Variants in POC1B observed in about 807,000 individuals in gnomAD.
The protein encoded by POC1B is POC1 centriolar protein B.
In POC1B, 44 loss-of-function variants were observed where a neutral mutation model predicts 60.6. The observed-to-expected ratio is 0.73, with a 90% CI of 0.57 to 0.93. The LOEUF is 0.93. Among genes scored for constraint, POC1B ranks in the 40% least tolerant of loss-of-function variants. The probability of loss-of-function intolerance (pLI) is 0.00; values close to 1 mark genes in which losing one functional copy is unlikely to be tolerated. For synonymous variants in POC1B, 180 were observed against 198.9 expected (o/e 0.90, Z 0.80); for missense variants, 555 against 572.3 (o/e 0.97, Z 0.31).
chr12:89,522,736 A>T, intron 2 of POC1B: 1 of 1,497,286 alleles, frequency 6.7e-7, no homozygotes, highest in Non-Finnish European at 8.9e-7. Flanking sequence ...AATAAAATAC[A>T]ATCTTCACTG....
At chr12:89,436,935 C>T (rs1485387544) in intron 10 of POC1B, among the ~76,000 whole-genome samples, 1 of 152,170 alleles carries the variant, frequency 6.6e-6, no homozygotes, top group Non-Finnish European at 1.5e-5. Context: ...GGATGCTCCA[C>T]ACCCAACTCC....
At chr12:89,524,398 T>C (rs17853610) in intron 2 of POC1B, 1 of 1,613,892 alleles carries the variant, frequency 6.2e-7, no homozygotes, top group Non-Finnish European at 8.5e-7. Context: ...TTTCTGGAGG[T>C]CTGAGAGCCT....
At chr12:89,471,317 T>C (rs940919035) in intron 6 of POC1B, among the ~76,000 whole-genome samples, 4 of 152,218 alleles carry the variant, frequency 2.6e-5, no homozygotes. Flanking sequence ...CAGAATTCAG[T>C]CATTTCTATC....
intron 10 of POC1B, among the ~76,000 whole-genome samples, chr12:89,436,745 A>AAC (rs1881285972): frequency 6.6e-6 from 1 of 152,050 alleles, no homozygotes; most frequent in African/African-American, 2.4e-5. Context: ...AAACCCAAAA[A>AAC]ACAAAAAAAA....
chr12:89,516,522 A>AT lies in POC1B; in HGVS notation c.100+8597_100+8598insA, dbSNP rs752456593. Among the ~76,000 whole-genome samples, 1,512 of 152,324 alleles carry AT rather than the reference A, an allele frequency of 9.9e-3. 6 individuals are homozygous for AT. Among genetic ancestry groups the AT allele is most frequent in the Non-Finnish European group, 0.016 (1,057 of 68,018 alleles). On this transcript the variant is annotated intron_variant, in intron 2 of 11. Transcript: ENST00000313546. ...CCTACTAATAGTACAATCTCCATAT[A>AT]GTAGCCAGAGTGGTCTTTTTGAGGT...
chr12:89,463,274 T>C (rs1882544243), intron 9 of POC1B, among the ~76,000 whole-genome samples: 1 of 152,230 alleles, frequency 6.6e-6, no homozygotes, highest in South Asian at 2.1e-4. Flanking sequence ...TAACCAATTA[T>C]AATCCCTGCT....
chr12:89,446,576 G>T (rs11105292), intron 10 of POC1B, among the ~76,000 whole-genome samples: 4 of 151,896 alleles, frequency 2.6e-5, no homozygotes, highest in Non-Finnish European at 5.9e-5. Context: ...CACAGGGTGG[G>T]GAACATCACA....
chr12:89,502,503 G>T (rs1213286259), intron 2 of POC1B: 2 of 1,074,636 alleles, frequency 1.9e-6, no homozygotes, highest in Admixed American at 4.0e-5. Flanking sequence ...AATAAGAAAA[G>T]GATCTGTCTT....
chr12:89,497,355 A>G lies in POC1B; in HGVS notation c.101-13T>C. 1 of 1,607,264 alleles carries G rather than the reference A, an allele frequency of 6.2e-7. No individual in the cohort carries two copies. The highest frequency in any genetic ancestry group is 1.1e-5 in the South Asian group (1 of 90,804). ...CAAGAAGCAGTAGCTATCAAGAAAT[A>G]GAAGAACAAAACCACTGTTTGTTAA... On this transcript the variant is annotated splice_polypyrimidine_tract_variant and intron_variant, in intron 2 of 11. Transcript: ENST00000313546.
intron 6 of POC1B, among the ~76,000 whole-genome samples, chr12:89,471,248 AG>A (rs1175777170): frequency 3.3e-5 from 5 of 152,228 alleles, no homozygotes; most frequent in Non-Finnish European, 7.3e-5. Context: ...TAGGCATAGT[AG>A]GTAGTTGTTT....
intron 10 of POC1B, among the ~76,000 whole-genome samples, chr12:89,433,609 G>A (rs186218387): frequency 6.6e-6 from 1 of 152,342 alleles, no homozygotes; most frequent in African/African-American, 2.4e-5. Context: ...ACAGGGAGCA[G>A]GCAGTGTAAA....
chr12:89,478,316 G>A (rs555251755), intron 4 of POC1B, among the ~76,000 whole-genome samples: 2 of 152,138 alleles, frequency 1.3e-5, no homozygotes, highest in East Asian at 1.9e-4. Flanking sequence ...ATGGGGTTTC[G>A]CCATGTTGGC....
intron 2 of POC1B, chr12:89,522,509 A>G (rs1870970097): frequency 5.8e-6 from 2 of 345,488 alleles, no homozygotes; most frequent in Admixed American, 9.2e-5. Flanking sequence ...CTTTAATATT[A>G]AGTCTGGCAC....
intron 2 of POC1B, chr12:89,523,136 G>A (rs1336968861): frequency 1.9e-6 from 3 of 1,613,810 alleles, no homozygotes; most frequent in Non-Finnish European, 2.5e-6. Context: ...AACAGTGAAA[G>A]GTTAGCACCT....
At chr12:89,429,983 T>C (rs1880961219) in intron 10 of POC1B, among the ~76,000 whole-genome samples, 1 of 152,182 alleles carries the variant, frequency 6.6e-6, no homozygotes, top group Admixed American at 6.5e-5. Context: ...TCAGACATGG[T>C]ATCTTCCTTC....
At chr12:89,437,675 T>C (rs1305210642) in intron 10 of POC1B, among the ~76,000 whole-genome samples, 1 of 151,870 alleles carries the variant, frequency 6.6e-6, no homozygotes, top group African/African-American at 2.4e-5. Context: ...CCCATATCAT[T>C]ATTATTGAAC....
At chr12:89,475,466 G>GT (rs1461014209) in intron 4 of POC1B, among the ~76,000 whole-genome samples, 3 of 151,966 alleles carry the variant, frequency 2.0e-5, no homozygotes, top group Non-Finnish European at 2.9e-5. Flanking sequence ...CTCTGTATGT[G>GT]TTTTTTTGCA....
chr12:89,408,486 G>GTTTT, the POC1B span, among the ~76,000 whole-genome samples: 1 of 136,306 alleles, frequency 7.3e-6, no homozygotes. Context: ...CTGACTTCTG[G>GTTTT]TTTTTTTTTT....
chr12:89,503,201 C>T (rs1269420407), intron 2 of POC1B, among the ~76,000 whole-genome samples: 1 of 152,154 alleles, frequency 6.6e-6, no homozygotes, highest in African/African-American at 2.4e-5. Context: ...TCTCGGCTCA[C>T]TGCAACCTTG....
Sources: allele counts gnomAD v4.1 joint callset (sites outside exome capture counted in the v4.1 genomes callset), GRCh38; gene constraint gnomAD v4.1.1; transcripts MANE v1.5; gene names NCBI Gene and HGNC (gene_info 2026-07-23, HGNC 2026-07-21).